PTPRM: variants seen among roughly 807,000 people sequenced by gnomAD.
PTPRM encodes receptor-type tyrosine-protein phosphatase mu.
A neutral mutation model predicts 186.7 loss-of-function variants in PTPRM; 47 were observed. The observed-to-expected ratio is 0.25, with a 90% CI of 0.20 to 0.32. The LOEUF is 0.32. PTPRM is among the 10% of genes least tolerant of loss of function. PTPRM has a pLI of 1.00. For missense variants in PTPRM, 1,494 were observed against 1,865.0 expected, an observed-to-expected ratio of 0.80 and a Z score of 3.66; for synonymous variants, 668 against 674.9, an observed-to-expected ratio of 0.99 and a Z score of 0.16.
At chr18:8,372,276 T>G (rs931300294) in intron 24 of PTPRM, among the ~76,000 whole-genome samples, 1 of 143,486 alleles carries the variant, frequency 7.0e-6, no homozygotes, top group Non-Finnish European at 1.5e-5. Context: ...GGGTTTCACC[T>G]TGTTAGCCAG....
In PTPRM at chr18:8,394,458, T is replaced by G; in HGVS notation, c.4209-18T>G. Reference sequence around the variant, plus strand: ...TAAAGACAGACCGAGTGCAGTCATCTGATCTTTTTCACGACAGGAACGGGG... The same window carrying G: ...TAAAGACAGACCGAGTGCAGTCATCGGATCTTTTTCACGACAGGAACGGGG... On this transcript the variant is annotated intron_variant, in intron 31 of 32. Coordinates refer to ENST00000580170, the MANE Select transcript of PTPRM (RefSeq NM_001105244.2). 6.2e-7 allele frequency: 1 copy of G among 1,602,494 alleles called. No individual in the cohort carries two copies. Among genetic ancestry groups the G allele is most frequent in the Non-Finnish European group, 8.5e-7 (1 of 1,173,812 alleles).
chr18:7,808,681 A>G (rs989114391), intron 2 of PTPRM, among the ~76,000 whole-genome samples: 2 of 152,238 alleles, frequency 1.3e-5, no homozygotes, highest in Non-Finnish European at 2.9e-5. Flanking sequence ...GAAGTTACAT[A>G]TGCAAAATCA....
chr18:7,596,056 A>C (rs1429843466), intron 1 of PTPRM, among the ~76,000 whole-genome samples: 2 of 152,164 alleles, frequency 1.3e-5, no homozygotes, highest in South Asian at 2.1e-4. Context: ...GTACCCCCTT[A>C]TCTGCAGTTG....
intron 20 of PTPRM, among the ~76,000 whole-genome samples, chr18:8,303,585 C>A (rs2095185597): frequency 6.6e-6 from 1 of 151,980 alleles, no homozygotes; most frequent in Admixed American, 6.6e-5. Context: ...CAGATGGACA[C>A]AATATGTTTA....
chr18:7,787,554 G>A (rs1211079738), intron 2 of PTPRM, among the ~76,000 whole-genome samples: 1 of 152,200 alleles, frequency 6.6e-6, no homozygotes, highest in African/African-American at 2.4e-5. Flanking sequence ...TCCTGTCATG[G>A]TGACTGTGGC....
intron 2 of PTPRM, among the ~76,000 whole-genome samples, chr18:7,849,493 C>T (rs1008799367): frequency 8.5e-5 from 13 of 152,162 alleles, no homozygotes; most frequent in African/African-American, 3.1e-4. Flanking sequence ...TTAACTCTAG[C>T]TCCAATTCTT....
At chr18:7,646,136 C>T (rs2038555742) in intron 1 of PTPRM, among the ~76,000 whole-genome samples, 1 of 152,086 alleles carries the variant, frequency 6.6e-6, no homozygotes, top group Non-Finnish European at 1.5e-5. Context: ...TAAACATATG[C>T]CCAGGATTTG....
intron 20 of PTPRM, among the ~76,000 whole-genome samples, chr18:8,310,765 C>T (rs2095261976): frequency 6.6e-6 from 1 of 152,126 alleles, no homozygotes; most frequent in African/African-American, 2.4e-5. Context: ...CCCATGAACT[C>T]AAGCACCGTA....
intron 11 of PTPRM, among the ~76,000 whole-genome samples, chr18:8,104,204 A>G (rs540462245): frequency 1.3e-5 from 2 of 152,296 alleles, no homozygotes; most frequent in African/African-American, 4.8e-5. Flanking sequence ...GGTTGCCACA[A>G]ACCTTCAATT....
chr18:7,957,157 T>C (rs572505062), intron 7 of PTPRM, among the ~76,000 whole-genome samples: 2 of 152,164 alleles, frequency 1.3e-5, no homozygotes, highest in East Asian at 3.9e-4. Context: ...ACCTACATAA[T>C]GTTTCCAGTC....
At chr18:8,095,552 G>A (rs552798693) in intron 11 of PTPRM, among the ~76,000 whole-genome samples, 4 of 152,180 alleles carry the variant, frequency 2.6e-5, no homozygotes, top group Admixed American at 1.3e-4. Flanking sequence ...AAGGGATTCA[G>A]GTCAGGGAAA....
At chr18:7,841,281 C>CTTTTTTTTT (rs34688860) in intron 2 of PTPRM, among the ~76,000 whole-genome samples, 4 of 70,200 alleles carry the variant, frequency 5.7e-5, no homozygotes, top group African/African-American at 1.3e-4. Context: ...CAAATCATTT[C>CTTTTTTTTT]TTTTTTTTTT....
In PTPRM at chr18:7,679,387, G is replaced by T. The variant is rs79893666; in HGVS notation, c.74-94762G>T. Among the ~76,000 whole-genome samples the T allele has an allele frequency of 5.0e-3, 756 of 152,076 alleles. 5 individuals are homozygous for T. The highest frequency in any genetic ancestry group is 0.018 in the African/African-American group (737 of 41,490). On this transcript the variant is annotated intron_variant, in intron 1 of 32. Transcript: ENST00000580170. ...GTTGATAATTGGGCATACTGGGCTGGGGTGCAGTGGCTTACACCTGCAATC... is the reference window on the plus strand; with the variant it reads ...GTTGATAATTGGGCATACTGGGCTGTGGTGCAGTGGCTTACACCTGCAATC...
At chr18:8,296,670 T>G (rs2095100220) in intron 20 of PTPRM, among the ~76,000 whole-genome samples, 1 of 152,148 alleles carries the variant, frequency 6.6e-6, no homozygotes, top group African/African-American at 2.4e-5. Flanking sequence ...TCCTTTTAGA[T>G]TTAAGGTTTG....
intron 2 of PTPRM, among the ~76,000 whole-genome samples, chr18:7,795,486 G>C (rs1453133077): frequency 2.7e-5 from 4 of 149,854 alleles, no homozygotes; most frequent in African/African-American, 9.9e-5. Context: ...AAAAAAAAAA[G>C]CTATATTGGA....
intron 7 of PTPRM, among the ~76,000 whole-genome samples, chr18:7,978,093 TC>T (rs1336190322): frequency 6.6e-6 from 1 of 152,216 alleles, no homozygotes; most frequent in Non-Finnish European, 1.5e-5. Context: ...TGGTGCCTGC[TC>T]CTCTCAGCGC....
intron 32 of PTPRM, among the ~76,000 whole-genome samples, chr18:8,398,841 G>A (rs1451236872): frequency 6.6e-6 from 1 of 151,588 alleles, no homozygotes; most frequent in Non-Finnish European, 1.5e-5. Context: ...TCTGTGAAAT[G>A]TTCAAAACAG....
At chr18:7,741,639 C>G (rs960999887) in intron 1 of PTPRM, 1 of 152,126 alleles carries the variant, frequency 6.6e-6, no homozygotes, top group Non-Finnish European at 1.5e-5. Flanking sequence ...TATTGTAACT[C>G]TTAATAAGTT....
chr18:7,753,584 A>G (rs111564906), intron 1 of PTPRM, among the ~76,000 whole-genome samples: 2,621 of 152,288 alleles, frequency 0.017, 85 homozygotes, highest in African/African-American at 0.059. Context: ...TTAAGTCAAC[A>G]CAACGTAGTA....
Sources: gnomAD v4.1 joint callset for allele counts (sites outside exome capture counted in the v4.1 genomes callset) on GRCh38, gnomAD v4.1.1 for gene constraint, MANE v1.5 for transcripts, NCBI Gene and HGNC (gene_info 2026-07-23, HGNC 2026-07-21) for gene names.